The following XKR4 variants were observed in gnomAD, a reference collection of about 807,000 sequenced individuals.
XKR4 encodes XK-related protein 4.
In XKR4, 12 loss-of-function variants were observed where a neutral mutation model predicts 53.9. The ratio of observed to expected loss-of-function variants is 0.22; its 90% CI spans 0.14 to 0.36. XKR4 has a LOEUF of 0.36. Ranked by LOEUF, XKR4 falls within the 10% of genes least tolerant of loss-of-function variation. The pLI is 1.00. For missense variants in XKR4, 799 were observed against 859.5 expected, an observed-to-expected ratio of 0.93 and a Z score of 0.88; for synonymous variants, 354 against 362.4, an observed-to-expected ratio of 0.98 and a Z score of 0.26.
In XKR4 at chr8:55,523,914, G is replaced by A. The variant is rs1234090612; in HGVS notation, c.1640G>A (p.Arg547Gln). 4 of 1,613,998 alleles carry A rather than the reference G, an allele frequency of 2.5e-6. No individual in the cohort carries two copies. Among genetic ancestry groups the A allele is most frequent in the African/African-American group, 1.3e-5 (1 of 74,892 alleles). ...CCAGACGTGGCCACAAGCACCCTAC[G>A]GTCCATCTCCAACAACCGCAGTGTT... ...LPPDVATSTL[R>Q]SISNNRSVVS... Residue 547 changes from arginine to glutamine, a missense_variant, in exon 3 of 3, where the codon CGG (arginine) becomes CAG (glutamine). By Grantham distance (43) the Arg-to-Gln change is conservative. This residue lies in a region of XKR4 where 269 missense variants were observed against 264.4 expected (regional missense o/e 1.02). Transcript: ENST00000327381.
chr8:55,301,950 G>A (rs919025061), intron 1 of XKR4, among the ~76,000 whole-genome samples: 4 of 152,154 alleles, frequency 2.6e-5, no homozygotes, highest in African/African-American at 9.7e-5. Context: ...TAGGTTGCCT[G>A]TTCACTCTGA....
chr8:55,104,277 T>TA (rs11284266), intron 1 of XKR4, among the ~76,000 whole-genome samples: 1 of 152,000 alleles, frequency 6.6e-6, no homozygotes, highest in African/African-American at 2.4e-5. Context: ...TTTACATCTA[T>TA]AAAAATTACT....
intron 1 of XKR4, among the ~76,000 whole-genome samples, chr8:55,274,206 T>C (rs1818734196): frequency 6.6e-6 from 1 of 152,200 alleles, no homozygotes; most frequent in Non-Finnish European, 1.5e-5. Context: ...TAGTGCTATA[T>C]TACTTACTAG....
At chr8:55,103,575 C>A (rs1816090416) in intron 1 of XKR4, among the ~76,000 whole-genome samples, 1 of 152,050 alleles carries the variant, frequency 6.6e-6, no homozygotes, top group Non-Finnish European at 1.5e-5. Flanking sequence ...TTGCTCTTGG[C>A]ATGCCACAAC....
chr8:55,244,874 G>T, intron 1 of XKR4, among the ~76,000 whole-genome samples: 1 of 148,626 alleles, frequency 6.7e-6, no homozygotes, highest in South Asian at 2.1e-4. Context: ...TTTGAAAAGT[G>T]TCTGTTCATG....
At chr8:55,184,309 T>C (rs796719135) in intron 1 of XKR4, among the ~76,000 whole-genome samples, 50 of 152,272 alleles carry the variant, frequency 3.3e-4, no homozygotes, top group African/African-American at 1.2e-3. Context: ...TTCCTTATTG[T>C]AAGGGTGGGA....
chr8:55,296,882 G>A (rs1202505627), intron 1 of XKR4, among the ~76,000 whole-genome samples: 1 of 151,990 alleles, frequency 6.6e-6, no homozygotes, highest in Middle Eastern at 3.2e-3. Flanking sequence ...TAACAAAATT[G>A]TATATTATAC....
At position 55,530,456 on chromosome 8, in the gene XKR4, C is replaced by T. The variant is rs1299962711; in HGVS notation, c.*6229C>T. ...TGAATTATAAAATAATTGATGTGTTCTTTCCCTTCTCACTTTAGATATAGC... is the reference window on the plus strand; with the variant it reads ...TGAATTATAAAATAATTGATGTGTTTTTTCCCTTCTCACTTTAGATATAGC... On this transcript the variant is annotated 3_prime_UTR_variant, in exon 3 of 3. Transcript: ENST00000327381. 1 of 152,172 alleles carries T rather than the reference C, an allele frequency of 6.6e-6. No individual in the cohort carries two copies. Among genetic ancestry groups the T allele is most frequent in the Non-Finnish European group, 1.5e-5 (1 of 68,030 alleles). 9.4% of individuals were successfully genotyped at this position (152,172 alleles called of 1,614,324 possible).
chr8:55,361,184 T>C (rs904798883), intron 2 of XKR4, among the ~76,000 whole-genome samples: 2 of 152,202 alleles, frequency 1.3e-5, no homozygotes, highest in African/African-American at 2.4e-5. Flanking sequence ...TAGTGCTCAC[T>C]GTACTTCCAG....
intron 2 of XKR4, among the ~76,000 whole-genome samples, chr8:55,464,210 T>C (rs554815170): frequency 1.3e-5 from 2 of 152,240 alleles, no homozygotes; most frequent in African/African-American, 4.8e-5. Flanking sequence ...TGATGAACAT[T>C]GATGCAAAAA....
chr8:55,301,973 T>C (rs1585997623), intron 1 of XKR4, among the ~76,000 whole-genome samples: 1 of 152,246 alleles, frequency 6.6e-6, no homozygotes, highest in African/African-American at 2.4e-5. Flanking sequence ...GTAGTTTCTT[T>C]TGCTGTGCAG....
chr8:55,377,939 T>A (rs1804174006), intron 2 of XKR4, among the ~76,000 whole-genome samples: 1 of 152,174 alleles, frequency 6.6e-6, no homozygotes, highest in Non-Finnish European at 1.5e-5. Context: ...AGAGAATTTG[T>A]GAGGAAGATT....
intron 1 of XKR4, among the ~76,000 whole-genome samples, chr8:55,342,566 C>T (rs1803569968): frequency 6.6e-6 from 1 of 152,002 alleles, no homozygotes; most frequent in Non-Finnish European, 1.5e-5. Flanking sequence ...CCACTGCCCC[C>T]CACCGATCTG....
chr8:55,460,552 A>G (rs1805639154), intron 2 of XKR4, among the ~76,000 whole-genome samples: 1 of 152,222 alleles, frequency 6.6e-6, no homozygotes, highest in Non-Finnish European at 1.5e-5. Context: ...TCCCAGCATG[A>G]GTGACACAGA....
At chr8:55,294,280 C>T (rs76555872) in intron 1 of XKR4, among the ~76,000 whole-genome samples, 2,276 of 152,294 alleles carry the variant, frequency 0.015, 32 homozygotes, top group Middle Eastern at 0.031. Flanking sequence ...AGCTCTTGAA[C>T]AGGGACAGGT....
chr8:55,159,918 G>C lies in XKR4; in HGVS notation c.806+56624G>C, dbSNP rs948612876. 9.2e-5 allele frequency among the ~76,000 whole-genome samples: 14 copies of C among 152,310 alleles called. 1 individual carries two copies. The highest frequency in any genetic ancestry group is 3.9e-4 in the Admixed American group (6 of 15,300). On this transcript the variant is annotated intron_variant, in intron 1 of 2. Coordinates refer to ENST00000327381, the MANE Select transcript of XKR4 (RefSeq NM_052898.2). ...TGGTAGGAAAGTTGACATGATGCTA[G>C]GGATGGTTCTTCTCTGATCACTTCT...
In XKR4 at chr8:55,531,365, A is replaced by T. The variant is rs1231299653; in HGVS notation, c.*7138A>T. ...AATATAGAAAAGTTAACAGTAAAAA[A>T]TATAGTATTATTGTCTTATGGGATC... On this transcript the variant is annotated 3_prime_UTR_variant, in exon 3 of 3. Transcript: ENST00000327381. 6.6e-6 allele frequency: 1 copy of T among 152,336 alleles called. No individual in the cohort carries two copies. The highest frequency in any genetic ancestry group is 1.9e-4 in the East Asian group (1 of 5,186). The allele number at this position is 152,336 out of a possible 1,614,324, so 9.4% of individuals were successfully genotyped here.
chr8:55,439,119 T>G (rs2129394611), intron 2 of XKR4, among the ~76,000 whole-genome samples: 1 of 152,374 alleles, frequency 6.6e-6, no homozygotes, highest in South Asian at 2.1e-4. Flanking sequence ...TCCAACTACC[T>G]GCTCACTCTG....
intron 1 of XKR4, among the ~76,000 whole-genome samples, chr8:55,273,142 CTG>C (rs5891567): frequency 0.014 from 2,059 of 147,518 alleles, 22 homozygotes; most frequent in East Asian, 0.036. Context: ...GAAAAGAGGA[CTG>C]TGTGTGTGTG....
Sources: allele counts gnomAD v4.1 joint callset (sites outside exome capture counted in the v4.1 genomes callset), GRCh38; gene constraint gnomAD v4.1.1; regional missense constraint gnomAD v4.1.1; transcripts MANE v1.5; gene names NCBI Gene and HGNC (gene_info 2026-07-23, HGNC 2026-07-21).